PCDHA8: variants seen among roughly 807,000 people sequenced by gnomAD.
The protein encoded by PCDHA8 is protocadherin alpha-8.
In PCDHA8, 53 loss-of-function variants were observed where a neutral mutation model predicts 61.8. That is an observed-to-expected ratio of 0.86 (90% CI 0.69 to 1.08). PCDHA8 has a LOEUF of 1.08. PCDHA8 is among the 50% of genes least tolerant of loss of function. The pLI, the probability that PCDHA8 is intolerant of heterozygous loss-of-function variation, is 0.00. For synonymous variants in PCDHA8, 618 were observed against 556.6 expected (o/e 1.11, Z -1.55); for missense variants, 1,293 against 1,245.0 (o/e 1.04, Z -0.58).
At chr5:140,978,528 C>T (rs903940636) in intron 1 of PCDHA8, among the ~76,000 whole-genome samples, 1 of 152,192 alleles carries the variant, frequency 6.6e-6, no homozygotes, top group Non-Finnish European at 1.5e-5. Flanking sequence ...GCCAGGCCAG[C>T]AGAACTTGTG....
chr5:140,883,369 C>A (rs781885590), intron 1 of PCDHA8: 4 of 1,614,064 alleles, frequency 2.5e-6, no homozygotes, highest in Non-Finnish European at 1.7e-6. Context: ...AGCCTAGCGC[C>A]ATTATTGCCC....
intron 1 of PCDHA8, chr5:140,853,974 A>G: frequency 1.7e-6 from 1 of 605,490 alleles, no homozygotes; most frequent in Non-Finnish European, 2.1e-6. Flanking sequence ...GCAGTTTGAG[A>G]CCAATGTAGT....
intron 1 of PCDHA8, chr5:140,968,943 T>G (rs1429261485): frequency 1.2e-6 from 2 of 1,614,128 alleles, no homozygotes; most frequent in Non-Finnish European, 1.7e-6. Context: ...ATCATCATTT[T>G]GAGCATCATC....
At chr5:141,005,311 A>C (rs2098206135) in intron 3 of PCDHA8, among the ~76,000 whole-genome samples, 6 of 152,310 alleles carry the variant, frequency 3.9e-5, no homozygotes, top group Middle Eastern at 6.8e-3. Flanking sequence ...TGAATCTTAC[A>C]GTGGTAGAGA....
chr5:140,868,356 T>A (rs1465427202), intron 1 of PCDHA8: 1 of 152,118 alleles, frequency 6.6e-6, no homozygotes, highest in Non-Finnish European at 1.5e-5. Flanking sequence ...AGAAAGCAAT[T>A]AAATGTAAAT....
intron 1 of PCDHA8, among the ~76,000 whole-genome samples, chr5:140,950,405 T>G (rs1258791881): frequency 3.3e-5 from 5 of 152,042 alleles, no homozygotes; most frequent in African/African-American, 1.2e-4. Flanking sequence ...TCTGGGGGAT[T>G]GACAGATTTT....
At chr5:141,000,052 C>G (rs945182675) in intron 3 of PCDHA8, among the ~76,000 whole-genome samples, 2 of 152,100 alleles carry the variant, frequency 1.3e-5, no homozygotes, top group Admixed American at 1.3e-4. Flanking sequence ...CACCACTCTC[C>G]CAGCTGCTCT....
intron 3 of PCDHA8, among the ~76,000 whole-genome samples, chr5:141,000,391 C>CTA (rs2097912428): frequency 7.9e-4 from 45 of 56,656 alleles, no homozygotes; most frequent in East Asian, 1.2e-3. Flanking sequence ...CTCTCTCTCT[C>CTA]TCTCTATATA....
intron 1 of PCDHA8, chr5:140,869,173 T>C: frequency 6.2e-7 from 1 of 1,613,884 alleles, no homozygotes; most frequent in African/African-American, 1.3e-5. Flanking sequence ...CCTCGAATTC[T>C]GGGAGGTGGG....
chr5:141,004,982 A>G (rs1445212778), intron 3 of PCDHA8, among the ~76,000 whole-genome samples: 2 of 152,234 alleles, frequency 1.3e-5, no homozygotes, highest in African/African-American at 2.4e-5. Flanking sequence ...TTGCAGTATC[A>G]TTATCTTGGT....
rs1554148909 is a variant in PCDHA8, at chr5:140,856,599, A to G, written c.2394+12884A>G. 10 of 1,597,910 alleles carry G rather than the reference A, an allele frequency of 6.3e-6. 1 individual carries two copies. Among genetic ancestry groups the G allele is most frequent in the African/African-American group, 1.3e-5 (1 of 74,324 alleles). ...TATTTTGTTCTTGATATTATAAACAAAAAAGACAAAGACAAATTCCCAGTG... is the reference window on the plus strand; with the variant it reads ...TATTTTGTTCTTGATATTATAAACAGAAAAGACAAAGACAAATTCCCAGTG... On this transcript the variant is annotated intron_variant, in intron 1 of 3. Transcript: ENST00000531613.
chr5:140,978,427 GTTGCT>G (rs2096802128), intron 1 of PCDHA8, among the ~76,000 whole-genome samples: 1 of 152,196 alleles, frequency 6.6e-6, no homozygotes, highest in Non-Finnish European at 1.5e-5. Context: ...ACTGTTATCA[GTTGCT>G]GGTGTTATGA....
intron 3 of PCDHA8, among the ~76,000 whole-genome samples, chr5:141,002,090 A>AGG (rs782223041): frequency 1.3e-5 from 2 of 152,254 alleles, no homozygotes; most frequent in Non-Finnish European, 2.9e-5. Flanking sequence ...CGAGCAGTCC[A>AGG]GGGGCTGGGC....
rs530025575 is a variant in PCDHA8 at position 140,922,023 on chromosome 5, TA to T, written c.2395-56920del. On this transcript the variant is annotated intron_variant, in intron 1 of 3. Coordinates refer to ENST00000531613, the MANE Select transcript of PCDHA8 (RefSeq NM_018911.3). ...AATGATTAGTTTAAAAAAATAAATA[TA>T]AAAAATGTAATTTTCCCACATACCT... Among the ~76,000 whole-genome samples, 1,214 of 152,080 alleles carry T rather than the reference TA, an allele frequency of 8.0e-3. 6 individuals carry two copies. The highest frequency in any genetic ancestry group is 0.019 in the African/African-American group (784 of 41,506).
chr5:140,858,550 C>T, intron 1 of PCDHA8: 1 of 1,392,416 alleles, frequency 7.2e-7, no homozygotes. Context: ...TCCATTTATG[C>T]TTGAATATTT....
chr5:140,857,654 G>C, intron 1 of PCDHA8: 1 of 1,596,766 alleles, frequency 6.3e-7, no homozygotes, highest in South Asian at 1.1e-5. Flanking sequence ...CCAGGTGAGC[G>C]CGCGCGATGG....
At chr5:140,943,717 T>A (rs1269511670) in intron 1 of PCDHA8, among the ~76,000 whole-genome samples, 1 of 152,108 alleles carries the variant, frequency 6.6e-6, no homozygotes, top group Non-Finnish European at 1.5e-5. Context: ...CATTTAAAGG[T>A]CTGAGAGAAT....
chr5:140,870,722 G>C (rs1554164638), intron 1 of PCDHA8: 20 of 1,613,222 alleles, frequency 1.2e-5, no homozygotes, highest in Non-Finnish European at 1.4e-5. Context: ...CGCGATGCGG[G>C]CGTGCCGCCT....
rs1015706913 is a variant in PCDHA8, at chr5:140,985,292, T to C, written c.2542+2729T>C. 2.0e-5 allele frequency among the ~76,000 whole-genome samples: 3 copies of C among 152,294 alleles called. No homozygotes were observed. The East Asian group carries it at 5.8e-4, about 29-fold the overall frequency. ...TACTTTTCTGCAATCTATGATATAG[T>C]GTTGGCTGATAGCCTGGTGGCCAGA... On this transcript the variant is annotated intron_variant, in intron 3 of 3. Transcript: ENST00000531613.
Sources: gnomAD v4.1 joint callset for allele counts (sites outside exome capture counted in the v4.1 genomes callset) on GRCh38, gnomAD v4.1.1 for gene constraint, MANE v1.5 for transcripts, NCBI Gene and HGNC (gene_info 2026-07-23, HGNC 2026-07-21) for gene names.